The following ZNF804B variants were observed in gnomAD, a reference collection of about 807,000 sequenced individuals.
ZNF804B encodes zinc finger protein 804B.
ZNF804B carries 80 observed loss-of-function variants against 101.4 expected under a neutral mutation model. The observed-to-expected ratio is 0.79, with a 90% CI of 0.66 to 0.95. The LOEUF (loss-of-function observed/expected upper bound fraction) is 0.95. Ranked by LOEUF, ZNF804B falls within the 40% of genes least tolerant of loss-of-function variation. The probability of loss-of-function intolerance (pLI) is 0.00; values close to 1 mark genes in which losing one functional copy is unlikely to be tolerated. For missense variants in ZNF804B, 1,673 were observed against 1,561.9 expected (o/e 1.07, Z -1.20); for synonymous variants, 622 against 558.8 (o/e 1.11, Z -1.59).
intron 1 of ZNF804B, among the ~76,000 whole-genome samples, chr7:88,805,136 G>A (rs1790665408): frequency 6.6e-6 from 1 of 152,134 alleles, no homozygotes; most frequent in Admixed American, 6.6e-5. Context: ...GTTATATGAT[G>A]AGTTACACAT....
chr7:88,789,117 C>T (rs1790343567), intron 1 of ZNF804B, among the ~76,000 whole-genome samples: 1 of 151,882 alleles, frequency 6.6e-6, no homozygotes. Flanking sequence ...AAACAAATAA[C>T]CAAAATAAAA....
intron 1 of ZNF804B, among the ~76,000 whole-genome samples, chr7:89,153,367 G>A (rs1027829378): frequency 4.6e-5 from 7 of 150,984 alleles, no homozygotes; most frequent in East Asian, 1.9e-4. Flanking sequence ...GTCAGGGACC[G>A]GTGAATCTGC....
Position 88,854,481 on chromosome 7 carries a change from C to G in ZNF804B, c.108+94397C>G, listed in dbSNP as rs199700737. Among the ~76,000 whole-genome samples the G allele has an allele frequency of 1.3e-4, 5 of 39,800 alleles. No individual in the cohort carries two copies. In the East Asian group the frequency reaches 5.2e-3, roughly 41 times the overall value. 26.1% of individuals were successfully genotyped at this position (39,800 alleles called of 152,430 possible). A position where few individuals can be genotyped will look rare whatever the true frequency, so the allele number is the denominator to read the frequency against. On this transcript the variant is annotated intron_variant, in intron 1 of 3. Coordinates refer to ENST00000333190, the MANE Select transcript of ZNF804B (RefSeq NM_181646.5). ...TTTCTTTCTTTCTTTCTTTCTCTTT[C>G]CTTTCCTTTCCTTTCCTTTCCTTTC...
At chr7:89,029,135 G>T (rs895656193) in intron 1 of ZNF804B, among the ~76,000 whole-genome samples, 3 of 152,086 alleles carry the variant, frequency 2.0e-5, no homozygotes, top group African/African-American at 4.8e-5. Flanking sequence ...ACAGAGTCTC[G>T]CTCTGTTGCC....
chr7:89,246,098 T>A (rs6946121), intron 2 of ZNF804B, among the ~76,000 whole-genome samples: 25,784 of 152,072 alleles, frequency 0.17, 2,821 homozygotes, highest in African/African-American at 0.3. Flanking sequence ...ATGTGGCCAC[T>A]TGGGCATTTT....
chr7:89,308,361 A>G lies in ZNF804B; in HGVS notation c.250-18983A>G, dbSNP rs1270044097. On this transcript the variant is annotated intron_variant, in intron 2 of 3. Coordinates refer to ENST00000333190, the MANE Select transcript of ZNF804B (RefSeq NM_181646.5). ...TAGTTCTGTGAGATCCTATTCAGTGAGAATATTCAGGGCTTGTTTTGATAA... is the reference window on the plus strand; with the variant it reads ...TAGTTCTGTGAGATCCTATTCAGTGGGAATATTCAGGGCTTGTTTTGATAA... 3.3e-5 allele frequency among the ~76,000 whole-genome samples: 5 copies of G among 152,188 alleles called. No homozygotes were observed. The South Asian group carries it at 1.0e-3, about 32-fold the overall frequency.
chr7:89,133,706 A>G (rs1368575960), intron 1 of ZNF804B, among the ~76,000 whole-genome samples: 2 of 152,086 alleles, frequency 1.3e-5, no homozygotes, highest in African/African-American at 4.8e-5. Flanking sequence ...ACCCTTTACA[A>G]GCAAATAGTA....
At chr7:88,812,586 AC>A (rs1404029267) in intron 1 of ZNF804B, among the ~76,000 whole-genome samples, 1 of 152,208 alleles carries the variant, frequency 6.6e-6, no homozygotes, top group African/African-American at 2.4e-5. Flanking sequence ...AGCACTATTC[AC>A]AATAGCTAAG....
In ZNF804B at chr7:89,054,378, G is replaced by A. The variant is rs563218976; in HGVS notation, c.109-163777G>A. Among the ~76,000 whole-genome samples the A allele has an allele frequency of 2.0e-5, 3 of 149,872 alleles. No individual in the cohort carries two copies. The East Asian group carries it at 5.8e-4, about 29-fold the overall frequency. On this transcript the variant is annotated intron_variant, in intron 1 of 3. Coordinates refer to ENST00000333190, the MANE Select transcript of ZNF804B (RefSeq NM_181646.5). ...ACTATATATGAATAAAACACTTTCT[G>A]GAGAGAAAAAAAACAGACATCAGAG...
intron 1 of ZNF804B, among the ~76,000 whole-genome samples, chr7:89,015,911 C>A (rs1204658873): frequency 2.0e-5 from 3 of 150,908 alleles, no homozygotes; most frequent in African/African-American, 7.3e-5. Flanking sequence ...GGAATCGCCA[C>A]ACTGACTTCC....
intron 1 of ZNF804B, among the ~76,000 whole-genome samples, chr7:89,144,311 A>G (rs1211807276): frequency 2.0e-5 from 3 of 152,192 alleles, no homozygotes; most frequent in Admixed American, 6.6e-5. Flanking sequence ...CTGGATTAAT[A>G]TGCATTATTT....
At chr7:89,321,969 A>G (rs534458059) in intron 2 of ZNF804B, among the ~76,000 whole-genome samples, 25 of 152,298 alleles carry the variant, frequency 1.6e-4, no homozygotes, top group African/African-American at 5.8e-4. Context: ...GGGATATTTC[A>G]TAGTTATAAA....
chr7:88,976,988 G>C (rs1793622487), intron 1 of ZNF804B, among the ~76,000 whole-genome samples: 1 of 151,688 alleles, frequency 6.6e-6, no homozygotes, highest in Non-Finnish European at 1.5e-5. Context: ...CAATTGAAAT[G>C]ATCATATGGT....
At chr7:89,245,297 CA>C (rs1205889951) in intron 2 of ZNF804B, among the ~76,000 whole-genome samples, 5 of 151,880 alleles carry the variant, frequency 3.3e-5, no homozygotes, top group Admixed American at 6.6e-5. Context: ...GAGAAAGAAA[CA>C]TCAATGAATA....
intron 1 of ZNF804B, among the ~76,000 whole-genome samples, chr7:88,879,236 T>C (rs1791996837): frequency 6.6e-6 from 1 of 152,130 alleles, no homozygotes; most frequent in Non-Finnish European, 1.5e-5. Flanking sequence ...ATGTGTACAA[T>C]TTAAAGGGCC....
chr7:89,066,284 G>A (rs894654433), intron 1 of ZNF804B, among the ~76,000 whole-genome samples: 1 of 152,034 alleles, frequency 6.6e-6, no homozygotes, highest in African/African-American at 2.4e-5. Flanking sequence ...TAGTCCTACT[G>A]CCTGTTATGC....
chr7:89,007,863 G>A (rs1788394102), intron 1 of ZNF804B, among the ~76,000 whole-genome samples: 1 of 151,054 alleles, frequency 6.6e-6, no homozygotes. Context: ...TCCATTAAGT[G>A]GAAATAAGTT....
chr7:89,286,201 C>CT (rs1294786632), intron 2 of ZNF804B, among the ~76,000 whole-genome samples: 1 of 152,072 alleles, frequency 6.6e-6, no homozygotes, highest in Non-Finnish European at 1.5e-5. Flanking sequence ...TAAATCGGGA[C>CT]TTTAGGACTT....
At chr7:88,999,433 C>T (rs1368563520) in intron 1 of ZNF804B, among the ~76,000 whole-genome samples, 1 of 151,918 alleles carries the variant, frequency 6.6e-6, no homozygotes, top group African/African-American at 2.4e-5. Flanking sequence ...ATGCACTGGA[C>T]TTTTCAAAGA....
Sources: gnomAD v4.1 joint callset for allele counts (sites outside exome capture counted in the v4.1 genomes callset) on GRCh38, gnomAD v4.1.1 for gene constraint, MANE v1.5 for transcripts, NCBI Gene and HGNC (gene_info 2026-07-23, HGNC 2026-07-21) for gene names.